The following ZNF346 variants were observed in gnomAD, a reference collection of about 807,000 sequenced individuals.
ZNF346 encodes the protein double-stranded RNA-binding zinc finger protein JAZ.
ZNF346 carries 23 observed loss-of-function variants against 33.7 expected under a neutral mutation model. That is an observed-to-expected ratio of 0.68 (90% CI 0.49 to 0.97). The LOEUF (loss-of-function observed/expected upper bound fraction) is 0.97, where lower values mean the gene tolerates loss of function less well. Among genes scored for constraint, ZNF346 ranks in the 50% least tolerant of loss-of-function variants. ZNF346 has a pLI of 0.00. For missense variants in ZNF346, 340 were observed against 371.1 expected (o/e 0.92, Z 0.69); for synonymous variants, 134 against 142.4 (o/e 0.94, Z 0.42).
intron 8 of ZNF346, among the ~76,000 whole-genome samples, chr5:177,074,663 T>C (rs1783658777): frequency 6.6e-6 from 1 of 152,104 alleles, no homozygotes; most frequent in African/African-American, 2.4e-5. Context: ...TGTAAGCAGG[T>C]TTGAATTTGA....
intron 4 of ZNF346, among the ~76,000 whole-genome samples, chr5:177,047,886 G>A (rs891077136): frequency 1.2e-4 from 18 of 151,888 alleles, no homozygotes; most frequent in African/African-American, 3.6e-4. Context: ...TGATTCACCC[G>A]CTTCTGCCTC....
chr5:177,046,294 T>C (rs1780035939), intron 4 of ZNF346, among the ~76,000 whole-genome samples: 1 of 115,716 alleles, frequency 8.6e-6, no homozygotes, highest in Non-Finnish European at 1.7e-5. Context: ...GAGCAAGACC[T>C]CGTCTCAAAA....
At chr5:177,073,830 G>T (rs556330707) in intron 8 of ZNF346, among the ~76,000 whole-genome samples, 3 of 109,592 alleles carry the variant, frequency 2.7e-5, no homozygotes, top group African/African-American at 1.4e-4. Flanking sequence ...GGCGGGGGAG[G>T]GGGGGGGTCC....
At position 177,028,315 on chromosome 5, in the gene ZNF346, T is replaced by C. The variant is rs1364329187; in HGVS notation, c.175+5402T>C. ...CCTCTGCTTTCCCAAAGCACTGGGA[T>C]TACAGATGTGAGGTCCCTGATTATT... is the stretch of plus-strand genomic sequence containing the variant. On this transcript the variant is annotated intron_variant, in intron 1 of 6. Coordinates refer to ENST00000358149, the MANE Select transcript of ZNF346 (RefSeq NM_012279.4). 4.0e-5 allele frequency among the ~76,000 whole-genome samples: 6 copies of C among 150,888 alleles called. No homozygotes were observed. The East Asian group carries it at 1.2e-3, about 29-fold the overall frequency.
At chr5:177,081,136 T>C (rs1783962472) in exon 9 of ZNF346, 1 of 150,504 alleles carries the variant, frequency 6.6e-6, no homozygotes, top group South Asian at 2.1e-4. Context: ...GGGTATGGTA[T>C]GACCCTGTGT....
intron 5 of ZNF346, among the ~76,000 whole-genome samples, chr5:177,057,115 G>C (rs574790295): frequency 6.7e-6 from 1 of 148,156 alleles, no homozygotes; most frequent in Non-Finnish European, 1.5e-5. Flanking sequence ...GTTTGAGACC[G>C]GCCTGGCCAA....
chr5:177,053,034 C>T (rs1222836836), intron 5 of ZNF346: 1 of 150,708 alleles, frequency 6.6e-6, no homozygotes, highest in South Asian at 2.1e-4. Flanking sequence ...AAGAGGGTCT[C>T]TTGCTGGATG....
intron 1 of ZNF346, among the ~76,000 whole-genome samples, chr5:177,028,788 C>T (rs1199150897): frequency 3.8e-5 from 5 of 132,412 alleles, no homozygotes; most frequent in East Asian, 2.4e-4. Context: ...GGTGCGATCT[C>T]GGCTCACTGC....
rs1253682325 is a variant in ZNF346 at position 177,067,444 on chromosome 5, T to C, written c.*2845T>C. 6.6e-6 allele frequency among the ~76,000 whole-genome samples: 1 copy of C among 152,136 alleles called. No individual in the cohort carries two copies. Among genetic ancestry groups the C allele is most frequent in the Non-Finnish European group, 1.5e-5 (1 of 68,026 alleles). On this transcript the variant is annotated 3_prime_UTR_variant, in exon 7 of 7. Transcript: ENST00000358149. ...CCCAAGGGAGGTTCTCAGCTTCCCATGATCAGACTGCCTCAGCAATTCCCC... is the reference window on the plus strand; with the variant it reads ...CCCAAGGGAGGTTCTCAGCTTCCCACGATCAGACTGCCTCAGCAATTCCCC...
intron 8 of ZNF346, among the ~76,000 whole-genome samples, chr5:177,074,551 G>A (rs1469063135): frequency 6.6e-6 from 1 of 152,186 alleles, no homozygotes; most frequent in Non-Finnish European, 1.5e-5. Context: ...AGGAGACTAA[G>A]GCAGGAGAAT....
rs1313024439 is a variant in ZNF346 at position 177,022,890 on chromosome 5, C to T, written c.152C>T (p.Ala51Val). The stretch of plus-strand genomic sequence containing the variant: ...CGCCTGTGGGAAGCCGTGTCCGGTG[C>T]CCAGCCGGTGGGTAGAGAGGAAGGT... ...ARRLWEAVSG[A>V]QPVGREEVEH... is the part of the protein sequence containing the mutation. Residue 51 changes from alanine to valine, a missense_variant, in exon 1 of 7, where the codon GCC becomes GTC. Physicochemically the swap from Ala to Val is moderately conservative, Grantham distance 64 (BLOSUM62 0). Transcript: ENST00000358149. 1.3e-6 allele frequency: 2 copies of T among 1,502,648 alleles called. No homozygotes were observed. The highest frequency in any genetic ancestry group is 2.3e-5 in the Admixed American group (1 of 44,198). 93.1% of individuals were successfully genotyped at this position (1,502,648 alleles called of 1,614,324 possible).
At chr5:177,041,650 C>T in intron 2 of ZNF346, 128 bp from the exon 3 acceptor site, 3 of 640,414 alleles carry the variant, frequency 4.7e-6, no homozygotes, top group Non-Finnish European at 8.5e-6. Context: ...GGAACTCAAA[C>T]TTCCCTCACC....
intron 1 of ZNF346, among the ~76,000 whole-genome samples, chr5:177,036,869 C>A (rs966712276): frequency 6.6e-6 from 1 of 152,066 alleles, no homozygotes; most frequent in African/African-American, 2.4e-5. Flanking sequence ...GAAATTGAGG[C>A]TACAGTGAGC....
intron 1 of ZNF346, chr5:177,023,347 C>A: frequency 2.5e-6 from 2 of 794,912 alleles, no homozygotes; most frequent in Non-Finnish European, 2.1e-6. Context: ...CTTCCGAGGG[C>A]TCTGGAAGGC....
At chr5:177,050,992 C>G in intron 5 of ZNF346, 56 bp downstream of exon 5, 1 of 1,388,148 alleles carries the variant, frequency 7.2e-7, no homozygotes, top group Non-Finnish European at 1.0e-6. Flanking sequence ...ACTGGGGCTA[C>G]CCGGACCAGC....
chr5:177,032,514 G>A (rs1346512279), intron 1 of ZNF346, among the ~76,000 whole-genome samples: 2 of 151,502 alleles, frequency 1.3e-5, no homozygotes, highest in Admixed American at 6.6e-5. Context: ...GGGTTCAAGC[G>A]ATTCTCCTGC....
At chr5:177,031,302 G>A (rs754463347) in intron 1 of ZNF346, among the ~76,000 whole-genome samples, 2 of 152,178 alleles carry the variant, frequency 1.3e-5, no homozygotes, top group African/African-American at 4.8e-5. Context: ...CAAAGTGCTG[G>A]GATTACAGGC....
chr5:177,061,759 G>T (rs1187706173), intron 5 of ZNF346, among the ~76,000 whole-genome samples: 1 of 152,194 alleles, frequency 6.6e-6, no homozygotes, highest in African/African-American at 2.4e-5. Flanking sequence ...TAGAAATACA[G>T]ACCAAATGTC....
At chr5:177,058,119 C>A (rs1781992898) in intron 5 of ZNF346, among the ~76,000 whole-genome samples, 2 of 151,338 alleles carry the variant, frequency 1.3e-5, no homozygotes, top group African/African-American at 2.4e-5. Context: ...CCATGCCCAG[C>A]CTGAGGTCAT....
Sources: allele counts gnomAD v4.1 joint callset (sites outside exome capture counted in the v4.1 genomes callset), GRCh38; gene constraint gnomAD v4.1.1; transcripts MANE v1.5; gene names NCBI Gene and HGNC (gene_info 2026-07-23, HGNC 2026-07-21).